Variants in RBFOX1 observed in about 807,000 individuals in gnomAD.
The protein encoded by RBFOX1 is RNA binding protein fox-1 homolog 1.
In RBFOX1, 8 loss-of-function variants were observed where a neutral mutation model predicts 57.7. That is an observed-to-expected ratio of 0.14 (90% confidence interval 0.08 to 0.25). The LOEUF is 0.25. Among genes scored for constraint, RBFOX1 ranks in the 10% least tolerant of loss-of-function variants. The pLI, the probability that RBFOX1 is intolerant of heterozygous loss-of-function variation, is 1.00. For synonymous variants in RBFOX1, 326 were observed against 222.4 expected (o/e 1.47, Z -4.15); for missense variants, 611 against 548.5 (o/e 1.11, Z -1.14).
intron 4 of RBFOX1, among the ~76,000 whole-genome samples, chr16:7,256,174 C>T (rs188190275): frequency 1.3e-5 from 2 of 152,188 alleles, no homozygotes; most frequent in Non-Finnish European, 2.9e-5. Context: ...TATTTTCAGT[C>T]GAGGCGAGAA....
intron 3 of RBFOX1, among the ~76,000 whole-genome samples, chr16:5,656,856 C>T (rs1253015785): frequency 6.6e-6 from 1 of 152,080 alleles, no homozygotes; most frequent in Non-Finnish European, 1.5e-5. Flanking sequence ...ACCGCATGTT[C>T]TCACTCATAA....
At chr16:7,317,487 C>T (rs1042867282) in intron 4 of RBFOX1, among the ~76,000 whole-genome samples, 3 of 152,154 alleles carry the variant, frequency 2.0e-5, no homozygotes, top group African/African-American at 7.2e-5. Context: ...ATCACCATCG[C>T]CATTAGGACC....
intron 4 of RBFOX1, among the ~76,000 whole-genome samples, chr16:7,352,801 G>C (rs990136612): frequency 1.3e-5 from 2 of 151,978 alleles, no homozygotes; most frequent in African/African-American, 4.8e-5. Context: ...CTGCAGCTTC[G>C]ACCTCTTGGG....
chr16:6,522,419 A>G (rs1361671189), intron 2 of RBFOX1, among the ~76,000 whole-genome samples: 1 of 152,156 alleles, frequency 6.6e-6, no homozygotes, highest in Non-Finnish European at 1.5e-5. Context: ...ACATAATGCC[A>G]TCGTATTGGG....
At chr16:7,431,138 C>T (rs770053533) in intron 4 of RBFOX1, 1 of 152,186 alleles carries the variant, frequency 6.6e-6, no homozygotes, top group African/African-American at 2.4e-5. Flanking sequence ...GTGCCATGCA[C>T]TGTGCTAGTG....
At chr16:7,065,277 G>A (rs910302478) in intron 4 of RBFOX1, among the ~76,000 whole-genome samples, 1 of 152,106 alleles carries the variant, frequency 6.6e-6, no homozygotes, top group Admixed American at 6.5e-5. Flanking sequence ...AGGTGCCCGT[G>A]TGGTCCTTTT....
rs373561734 is a variant in RBFOX1, at chr16:5,597,051, C to T, written c.259-1851C>T. On this transcript the variant is annotated intron_variant, in intron 2 of 2. Transcript: ENST00000585867. ...AGAAACAATAAAATATGTGTCTTCT[C>T]ATTATAAGTTCAGAAACGATGTACA... 2.6e-5 allele frequency among the ~76,000 whole-genome samples: 4 copies of T among 152,270 alleles called. No homozygotes were observed. The South Asian group carries it at 8.3e-4, about 32-fold the overall frequency.
chr16:5,687,417 C>T (rs1475077817), intron 3 of RBFOX1, among the ~76,000 whole-genome samples: 11 of 152,158 alleles, frequency 7.2e-5, no homozygotes, highest in African/African-American at 2.7e-4. Context: ...GCTTCCTCCT[C>T]TGTAAAATAA....
chr16:5,508,555 C>G (rs2043458633), intron 2 of RBFOX1, among the ~76,000 whole-genome samples: 2 of 152,086 alleles, frequency 1.3e-5, no homozygotes, highest in African/African-American at 2.4e-5. Context: ...CACAGAGTGC[C>G]ACACCCAAGA....
intron 4 of RBFOX1, among the ~76,000 whole-genome samples, chr16:7,514,369 T>G (rs535011370): frequency 1.4e-4 from 21 of 152,192 alleles, no homozygotes; most frequent in South Asian, 4.1e-4. Flanking sequence ...AGGTCATTTT[T>G]CCAGCACATA....
chr16:5,402,294 G>C (rs2066738815), intron 1 of RBFOX1, among the ~76,000 whole-genome samples: 1 of 152,156 alleles, frequency 6.6e-6, no homozygotes, highest in African/African-American at 2.4e-5. Flanking sequence ...CTATCATGTT[G>C]CTGGTGCTCC....
chr16:5,309,406 C>T (rs2064022669), intron 1 of RBFOX1, among the ~76,000 whole-genome samples: 1 of 152,078 alleles, frequency 6.6e-6, no homozygotes, highest in Non-Finnish European at 1.5e-5. Context: ...GGTTATATGC[C>T]ACAGTAAGTA....
At chr16:6,302,625 G>A (rs1452948908) in intron 1 of RBFOX1, among the ~76,000 whole-genome samples, 1 of 152,054 alleles carries the variant, frequency 6.6e-6, no homozygotes, top group Non-Finnish European at 1.5e-5. Context: ...TAAGCTTGTT[G>A]ATTTTCCTCT....
At chr16:5,777,523 T>C (rs1225738471) in intron 3 of RBFOX1, among the ~76,000 whole-genome samples, 21 of 152,232 alleles carry the variant, frequency 1.4e-4, no homozygotes, top group Admixed American at 1.3e-3. Flanking sequence ...GCATAGGCTC[T>C]GAAGTTGCAT....
chr16:7,580,358 C>G (rs1430458259), intron 6 of RBFOX1, among the ~76,000 whole-genome samples: 2 of 152,132 alleles, frequency 1.3e-5, no homozygotes, highest in East Asian at 3.9e-4. Flanking sequence ...TAGTCTTTCC[C>G]AGGCACTGTG....
At chr16:6,985,024 G>C (rs1377436871) in intron 3 of RBFOX1, among the ~76,000 whole-genome samples, 5 of 147,536 alleles carry the variant, frequency 3.4e-5, no homozygotes, top group South Asian at 4.6e-4. Flanking sequence ...GAAATATCCT[G>C]GCTTTGCTGG....
chr16:7,285,507 C>G (rs930760643), intron 4 of RBFOX1, among the ~76,000 whole-genome samples: 2 of 152,076 alleles, frequency 1.3e-5, no homozygotes, highest in Admixed American at 6.6e-5. Context: ...TCCATCACCA[C>G]TGGATCCCTT....
chr16:7,494,035 G>C (rs11077194), intron 4 of RBFOX1, among the ~76,000 whole-genome samples: 4 of 152,010 alleles, frequency 2.6e-5, no homozygotes, highest in Non-Finnish European at 5.9e-5. Context: ...TTATTGGCTT[G>C]TGAATGATTT....
intron 3 of RBFOX1, among the ~76,000 whole-genome samples, chr16:6,926,977 G>T (rs2075705556): frequency 6.6e-6 from 1 of 152,094 alleles, no homozygotes; most frequent in Admixed American, 6.6e-5. Flanking sequence ...GCCTCTGCCA[G>T]CTTCTCAGAC....
Sources: allele counts gnomAD v4.1 joint callset (sites outside exome capture counted in the v4.1 genomes callset), GRCh38; gene constraint gnomAD v4.1.1; transcripts MANE v1.5; gene names NCBI Gene and HGNC (gene_info 2026-07-23, HGNC 2026-07-21).